ATF3: variants seen among roughly 807,000 people sequenced by gnomAD.
ATF3 encodes the protein cyclic AMP-dependent transcription factor ATF-3.
In ATF3, 10 loss-of-function variants were observed where a neutral mutation model predicts 18.4. The ratio of observed to expected loss-of-function variants is 0.54; its 90% CI spans 0.34 to 0.92. The LOEUF is 0.92. ATF3 is among the 40% of genes least tolerant of loss of function. The pLI, the probability that ATF3 is intolerant of heterozygous loss-of-function variation, is 0.02. For synonymous variants in ATF3, 78 were observed against 87.9 expected, an observed-to-expected ratio of 0.89 and a Z score of 0.63; for missense variants, 183 against 222.3, an observed-to-expected ratio of 0.82 and a Z score of 1.12.
At chr1:212,591,195 G>A (rs1375404355) in intron 1 of ATF3, among the ~76,000 whole-genome samples, 5 of 152,044 alleles carry the variant, frequency 3.3e-5, no homozygotes. Flanking sequence ...CCTTCTTAAG[G>A]GCATGTGTTA....
intron 1 of ATF3, among the ~76,000 whole-genome samples, chr1:212,610,141 C>A (rs561911522): frequency 1.9e-4 from 29 of 152,238 alleles, no homozygotes; most frequent in African/African-American, 6.5e-4. Context: ...TTCTCTGCTC[C>A]CCCCACTCCC....
intron 1 of ATF3, among the ~76,000 whole-genome samples, chr1:212,589,539 G>T (rs1664842748): frequency 6.6e-6 from 1 of 151,986 alleles, no homozygotes; most frequent in South Asian, 2.1e-4. Context: ...ATTTTATAGA[G>T]GTGAGTCCAA....
At chr1:212,577,535 T>C (rs59261419) in intron 1 of ATF3, among the ~76,000 whole-genome samples, 14,695 of 152,098 alleles carry the variant, frequency 0.097, 1,636 homozygotes, top group African/African-American at 0.28. Context: ...TTATATCCTT[T>C]GACCAACATC....
chr1:212,614,981 G>T (rs1655046472), intron 1 of ATF3, 37 bp from the exon 2 acceptor site: 2 of 1,614,078 alleles, frequency 1.2e-6, no homozygotes, highest in African/African-American at 2.7e-5. Flanking sequence ...ATGCCCCAGA[G>T]CCCCTGAAAC....
At chr1:212,602,737 G>A (rs958419000) in intron 1 of ATF3, among the ~76,000 whole-genome samples, 6 of 152,236 alleles carry the variant, frequency 3.9e-5, no homozygotes, top group East Asian at 1.9e-4. Flanking sequence ...TACATAGCAC[G>A]GAACACCCAG....
At chr1:212,597,372 C>T (rs147292973) in intron 1 of ATF3, among the ~76,000 whole-genome samples, 226 of 152,070 alleles carry the variant, frequency 1.5e-3, no homozygotes, top group African/African-American at 5.0e-3. Flanking sequence ...ATAGAAGCTC[C>T]CATTTACTAA....
intron 1 of ATF3, among the ~76,000 whole-genome samples, chr1:212,571,503 G>T (rs1360426817): frequency 6.6e-6 from 1 of 151,864 alleles, no homozygotes; most frequent in Non-Finnish European, 1.5e-5. Flanking sequence ...CGCCTCCCAG[G>T]TTCAAGCAAT....
At chr1:212,590,015 G>A (rs1446024287) in intron 1 of ATF3, among the ~76,000 whole-genome samples, 1 of 152,082 alleles carries the variant, frequency 6.6e-6, no homozygotes, top group Non-Finnish European at 1.5e-5. Context: ...TCTCAAGTTA[G>A]TTATAGGATG....
intron 1 of ATF3, among the ~76,000 whole-genome samples, chr1:212,589,280 G>A (rs1303815269): frequency 2.0e-5 from 3 of 152,160 alleles, no homozygotes; most frequent in South Asian, 2.1e-4. Context: ...TGGAAACAGA[G>A]CTCATTGTAA....
At chr1:212,612,081 G>C (rs377101917) in intron 1 of ATF3, among the ~76,000 whole-genome samples, 1 of 152,310 alleles carries the variant, frequency 6.6e-6, no homozygotes, top group Admixed American at 6.5e-5. Context: ...GGAATAACTA[G>C]AAAGTATCCC....
At chr1:212,587,434 G>A (rs1054255287) in intron 1 of ATF3, among the ~76,000 whole-genome samples, 1 of 152,192 alleles carries the variant, frequency 6.6e-6, no homozygotes, top group African/African-American at 2.4e-5. Context: ...TTTTGCAGAA[G>A]TCAGGATTGC....
chr1:212,590,934 T>C (rs963168421), intron 1 of ATF3, among the ~76,000 whole-genome samples: 35 of 152,366 alleles, frequency 2.3e-4, no homozygotes, highest in African/African-American at 7.7e-4. Flanking sequence ...TCCTTTATCA[T>C]GTGCCTGGTT....
intron 1 of ATF3, among the ~76,000 whole-genome samples, chr1:212,569,453 C>T (rs1664441198): frequency 6.6e-6 from 1 of 152,188 alleles, no homozygotes; most frequent in Admixed American, 6.5e-5. Flanking sequence ...GAGCCTATTT[C>T]CTCCTTACTA....
intron 1 of ATF3, among the ~76,000 whole-genome samples, chr1:212,587,724 C>T (rs1004025889): frequency 6.6e-6 from 1 of 152,254 alleles, no homozygotes; most frequent in Non-Finnish European, 1.5e-5. Flanking sequence ...CGTTCATTCA[C>T]TCACTCATAC....
intron 1 of ATF3, among the ~76,000 whole-genome samples, chr1:212,603,633 T>TAA (rs1340047917): frequency 6.6e-6 from 1 of 152,150 alleles, no homozygotes; most frequent in Non-Finnish European, 1.5e-5. Context: ...AGTAGGGAAA[T>TAA]GATTAAGTAA....
chr1:212,614,390 C>T (rs191413950), intron 1 of ATF3, among the ~76,000 whole-genome samples: 5 of 152,264 alleles, frequency 3.3e-5, no homozygotes, highest in Non-Finnish European at 7.3e-5. Context: ...AGAAACGCAC[C>T]TGGCTACAGT....
chr1:212,583,006 A>T (rs1558227638), intron 1 of ATF3, among the ~76,000 whole-genome samples: 1 of 152,044 alleles, frequency 6.6e-6, no homozygotes, highest in African/African-American at 2.4e-5. Context: ...ACCACCCTTC[A>T]TCTCTCCAGG....
intron 1 of ATF3, among the ~76,000 whole-genome samples, chr1:212,584,911 C>A (rs1471246537): frequency 6.6e-6 from 1 of 152,196 alleles, no homozygotes; most frequent in Non-Finnish European, 1.5e-5. Context: ...CCCAGGCAGG[C>A]TTTGTGTGTG....
rs1299952579 is a variant in ATF3 at position 212,611,069 on chromosome 1, G to A, written c.-5+2139G>A. Among the ~76,000 whole-genome samples, 8 of 152,216 alleles carry A rather than the reference G, an allele frequency of 5.3e-5. No homozygotes were observed. In the East Asian group the frequency reaches 1.2e-3, roughly 22 times the overall value. The stretch of plus-strand genomic sequence containing the variant: ...GGCATGGGACAGGGCCAGTGGCTTC[G>A]AGTGTTTACCCAGCCAGGGGAGGAG... On this transcript the variant is annotated intron_variant, in intron 1 of 3. Coordinates refer to ENST00000341491, the MANE Select transcript of ATF3 (RefSeq NM_001674.4).
Sources: gnomAD v4.1 joint callset for allele counts (sites outside exome capture counted in the v4.1 genomes callset) on GRCh38, gnomAD v4.1.1 for gene constraint, MANE v1.5 for transcripts, NCBI Gene and HGNC (gene_info 2026-07-23, HGNC 2026-07-21) for gene names.